Variants in CDH18 observed in about 807,000 individuals in gnomAD.
CDH18 encodes cadherin 18, also known as cadherin-18.
Under a neutral mutation model 67.9 loss-of-function variants are expected in CDH18, and 31 were observed. The observed-to-expected ratio is 0.46, with a 90% CI of 0.34 to 0.62. The LOEUF (loss-of-function observed/expected upper bound fraction) is 0.62, where lower values mean the gene tolerates loss of function less well. Among genes scored for constraint, CDH18 ranks in the 20% least tolerant of loss-of-function variants. CDH18 has a pLI of 0.01. For synonymous variants in CDH18, 362 were observed against 347.2 expected (o/e 1.04, Z -0.48); for missense variants, 890 against 975.5 (o/e 0.91, Z 1.17).
intron 2 of CDH18, among the ~76,000 whole-genome samples, chr5:20,240,573 C>A (rs1448510064): frequency 6.6e-6 from 1 of 152,112 alleles, no homozygotes; most frequent in East Asian, 1.9e-4. Flanking sequence ...TGCAAGTATG[C>A]AATAATATTT....
chr5:20,253,490 C>T (rs1219555891), intron 2 of CDH18, among the ~76,000 whole-genome samples: 2 of 152,020 alleles, frequency 1.3e-5, no homozygotes, highest in East Asian at 3.9e-4. Context: ...ACATTCAAAC[C>T]CCATCCAAGG....
chr5:19,594,982 T>C (rs980771578), intron 6 of CDH18, among the ~76,000 whole-genome samples: 12 of 152,068 alleles, frequency 7.9e-5, no homozygotes, highest in African/African-American at 2.9e-4. Context: ...TAAATCAGAA[T>C]GAAATAAGTA....
intron 1 of CDH18, among the ~76,000 whole-genome samples, chr5:20,352,890 A>C (rs1741321789): frequency 1.3e-5 from 2 of 151,922 alleles, no homozygotes; most frequent in Non-Finnish European, 2.9e-5. Flanking sequence ...TTTTCTTGCT[A>C]GATATCCTCA....
chr5:20,076,614 G>C (rs1743964719), intron 2 of CDH18, among the ~76,000 whole-genome samples: 1 of 151,516 alleles, frequency 6.6e-6, no homozygotes, highest in African/African-American at 2.4e-5. Context: ...ATTAAAGATA[G>C]TAAATTTATA....
chr5:20,209,342 G>T (rs551635166), intron 2 of CDH18, among the ~76,000 whole-genome samples: 298 of 152,064 alleles, frequency 2.0e-3, no homozygotes, highest in African/African-American at 6.6e-3. Flanking sequence ...GCCAAAATAT[G>T]GAATTAACCT....
intron 1 of CDH18, among the ~76,000 whole-genome samples, chr5:20,522,573 T>A (rs1252285543): frequency 6.6e-6 from 1 of 152,174 alleles, no homozygotes; most frequent in Non-Finnish European, 1.5e-5. Context: ...ATATGGAATT[T>A]CTTTTCAGTT....
chr5:19,785,622 C>A (rs1775622871), intron 3 of CDH18, among the ~76,000 whole-genome samples: 1 of 121,824 alleles, frequency 8.2e-6, no homozygotes, highest in African/African-American at 3.2e-5. Context: ...CCATTGCATT[C>A]CAGCCTCGGC....
intron 2 of CDH18, among the ~76,000 whole-genome samples, chr5:20,244,459 C>A (rs1166941743): frequency 6.6e-6 from 1 of 152,046 alleles, no homozygotes; most frequent in Admixed American, 6.6e-5. Flanking sequence ...ACCATATGCC[C>A]ATATTGAACT....
Position 20,177,689 on chromosome 5 carries a change from C to T in CDH18, c.-518+77755G>A, listed in dbSNP as rs532682695. Among the ~76,000 whole-genome samples, 132 of 152,184 alleles carry T rather than the reference C, an allele frequency of 8.7e-4. 2 individuals are homozygous for T. In the South Asian group the frequency reaches 0.027, roughly 31 times the overall value. ...TTCGGCCATGTCCCCACTCAAATCT[C>T]ATCTTGAATTCCCATGTGTTGTTGG... is the stretch of plus-strand genomic sequence containing the variant. On this transcript the variant is annotated intron_variant, in intron 2 of 14. Transcript: ENST00000507958.
At chr5:20,386,027 A>C (rs10941713) in intron 1 of CDH18, among the ~76,000 whole-genome samples, 1 of 152,146 alleles carries the variant, frequency 6.6e-6, no homozygotes, top group African/African-American at 2.4e-5. Flanking sequence ...GTAATTATGA[A>C]TCTATCATGT....
intron 5 of CDH18, among the ~76,000 whole-genome samples, chr5:19,614,511 C>T (rs551534143): frequency 4.7e-4 from 71 of 151,796 alleles, no homozygotes; most frequent in Non-Finnish European, 8.1e-4. Context: ...CAGAAATGAA[C>T]AAGCAAAGAA....
At chr5:20,042,885 C>CT (rs1740563762) in intron 2 of CDH18, among the ~76,000 whole-genome samples, 1 of 151,922 alleles carries the variant, frequency 6.6e-6, no homozygotes, top group South Asian at 2.1e-4. Context: ...TGGCGTGAAC[C>CT]CGGGAGGCAG....
chr5:20,111,836 C>T (rs1045470084), intron 2 of CDH18, among the ~76,000 whole-genome samples: 2 of 152,076 alleles, frequency 1.3e-5, no homozygotes, highest in African/African-American at 4.8e-5. Flanking sequence ...AGCCACCACG[C>T]CCAGCTGAAG....
chr5:19,618,269 G>A (rs555170226), intron 5 of CDH18, among the ~76,000 whole-genome samples: 3 of 151,800 alleles, frequency 2.0e-5, no homozygotes, highest in Non-Finnish European at 2.9e-5. Context: ...GCAGAGGTGC[G>A]ATATCTGCTC....
intron 2 of CDH18, among the ~76,000 whole-genome samples, chr5:20,141,616 C>T (rs1750246963): frequency 6.6e-6 from 1 of 152,130 alleles, no homozygotes; most frequent in East Asian, 1.9e-4. Flanking sequence ...AGAGATCCAG[C>T]TAGCCTTTTG....
At chr5:20,410,534 G>T (rs1746677890) in intron 1 of CDH18, among the ~76,000 whole-genome samples, 1 of 151,364 alleles carries the variant, frequency 6.6e-6, no homozygotes, top group African/African-American at 2.4e-5. Flanking sequence ...CAGCAAAAAG[G>T]CCAAGAGTAA....
intron 1 of CDH18, among the ~76,000 whole-genome samples, chr5:20,267,073 A>C (rs1449743144): frequency 6.6e-6 from 1 of 152,220 alleles, no homozygotes; most frequent in Non-Finnish European, 1.5e-5. Context: ...CAGACAATAA[A>C]TAAGGCAGTA....
intron 1 of CDH18, among the ~76,000 whole-genome samples, chr5:20,314,271 T>C (rs140792801): frequency 9.4e-4 from 143 of 152,142 alleles, no homozygotes; most frequent in African/African-American, 3.3e-3. Flanking sequence ...TGTATGGCCT[T>C]AGGCTCACTA....
chr5:20,033,793 C>G (rs1739607598), intron 2 of CDH18, among the ~76,000 whole-genome samples: 1 of 151,898 alleles, frequency 6.6e-6, no homozygotes, highest in South Asian at 2.1e-4. Context: ...AATAAAAATA[C>G]AGTAGTTATG....
Sources: allele counts gnomAD v4.1 joint callset (sites outside exome capture counted in the v4.1 genomes callset), GRCh38; gene constraint gnomAD v4.1.1; transcripts MANE v1.5; gene names NCBI Gene and HGNC (gene_info 2026-07-23, HGNC 2026-07-21).